The following RXRA variants were observed in gnomAD, a reference collection of about 807,000 sequenced individuals.
RXRA encodes the protein retinoid X receptor alpha.
RXRA carries 5 observed loss-of-function variants against 44.5 expected under a neutral mutation model. The ratio of observed to expected loss-of-function variants is 0.11; its 90% CI spans 0.06 to 0.24. The LOEUF is 0.24. Ranked by LOEUF, RXRA falls within the 10% of genes least tolerant of loss-of-function variation. RXRA has a pLI of 1.00. For missense variants in RXRA, 412 were observed against 646.5 expected (o/e 0.64, Z 3.93); for synonymous variants, 291 against 271.4 (o/e 1.07, Z -0.71).
chr9:134,391,464 C>T (rs905617401), intron 1 of RXRA, among the ~76,000 whole-genome samples: 6 of 152,206 alleles, frequency 3.9e-5, no homozygotes, highest in African/African-American at 1.4e-4. Context: ...GGAAACTACC[C>T]CCAGGAGCCC....
Position 134,367,683 on chromosome 9 carries a change from G to A in RXRA, c.29-33949G>A, listed in dbSNP as rs548568610. 2.1e-4 allele frequency among the ~76,000 whole-genome samples: 32 copies of A among 152,340 alleles called. No individual in the cohort carries two copies. The East Asian group carries it at 5.8e-3, about 28-fold the overall frequency. On this transcript the variant is annotated intron_variant, in intron 1 of 9. Transcript: ENST00000481739. ...CCTCAACTTGCCTGCCTGTGCAGGG[G>A]GTGTGTGGGGCACCATGGTCCCCCA...
At position 134,431,955 on chromosome 9, in the gene RXRA, C is replaced by T. The variant is rs746817210; in HGVS notation, c.1094C>T (p.Thr365Met). The T allele has an allele frequency of 8.7e-6, 14 of 1,613,860 alleles. No homozygotes were observed. The highest frequency in any genetic ancestry group is 6.7e-5 in the East Asian group (3 of 44,884). Reference sequence around the variant, plus strand: ...ATGCGGGACATGCAGATGGACAAGACGGAGCTGGGCTGCCTGCGCGCCATC... The same window carrying T: ...ATGCGGGACATGCAGATGGACAAGATGGAGCTGGGCTGCCTGCGCGCCATC... ...SKMRDMQMDKTELGCLRAIVL... is the reference protein window; with the variant it reads ...SKMRDMQMDKMELGCLRAIVL... The change falls in exon 8 of 10, where the codon ACG becomes ATG. Residue 365 changes from threonine to methionine, a missense_variant. Thr to Met is a moderately conservative substitution (Grantham distance 81). This residue lies in a region of RXRA where 141 missense variants were observed against 270.8 expected (regional missense o/e 0.52). Coordinates refer to ENST00000481739, the MANE Select transcript of RXRA (RefSeq NM_002957.6).
chr9:134,409,798 G>T (rs913075085), intron 4 of RXRA, among the ~76,000 whole-genome samples: 1 of 152,180 alleles, frequency 6.6e-6, no homozygotes, highest in African/African-American at 2.4e-5. Context: ...ACGTTTGGGG[G>T]TGTGCCTCAG....
rs1554748255 is a variant in RXRA at position 134,342,815 on chromosome 9, C to T, written c.28+16156C>T. Among the ~76,000 whole-genome samples the T allele has an allele frequency of 6.6e-6, 1 of 152,178 alleles. No homozygotes were observed. The highest frequency in any genetic ancestry group is 2.4e-5 in the African/African-American group (1 of 41,448). On this transcript the variant is annotated intron_variant, in intron 1 of 9. Coordinates refer to ENST00000481739, the MANE Select transcript of RXRA (RefSeq NM_002957.6). The surrounding 1 kb of genome is among the most constrained non-coding windows in gnomAD (Gnocchi z 4.4). ...GCCTTCCTGGCCCTTCCTGCTCTGG[C>T]TGGCTCAGCAGGTTGAGCGCAGGTG...
chr9:134,370,165 G>A (rs1194648581), intron 1 of RXRA, among the ~76,000 whole-genome samples: 3 of 152,190 alleles, frequency 2.0e-5, no homozygotes, highest in Non-Finnish European at 4.4e-5. Flanking sequence ...ATGACTGTCT[G>A]TCCCATGGCT....
At chr9:134,397,534 G>A (rs1390860574) in intron 1 of RXRA, among the ~76,000 whole-genome samples, 2 of 151,864 alleles carry the variant, frequency 1.3e-5, no homozygotes, top group African/African-American at 2.4e-5. Flanking sequence ...AGTCTTCCTG[G>A]ATAGAAATCT....
chr9:134,376,615 T>C (rs533541527), intron 1 of RXRA, among the ~76,000 whole-genome samples: 12 of 152,420 alleles, frequency 7.9e-5, no homozygotes, highest in Non-Finnish European at 1.5e-4. Flanking sequence ...TAGAAGGTGA[T>C]GCTTAGGGAG....
chr9:134,386,430 T>G (rs1305536782), intron 1 of RXRA, among the ~76,000 whole-genome samples: 1 of 152,096 alleles, frequency 6.6e-6, no homozygotes, highest in Non-Finnish European at 1.5e-5. Context: ...GTGGCCTGGG[T>G]GGGTGCCTGT....
At chr9:134,432,076 T>A in intron 8 of RXRA, 80 bp downstream of exon 8, 1 of 1,119,380 alleles carries the variant, frequency 8.9e-7, no homozygotes, top group Non-Finnish European at 1.3e-6. Flanking sequence ...TGGCTGTACT[T>A]CTTGCCTCTG....
At chr9:134,360,056 G>T (rs1830330185) in intron 1 of RXRA, among the ~76,000 whole-genome samples, 1 of 152,334 alleles carries the variant, frequency 6.6e-6, no homozygotes, top group African/African-American at 2.4e-5. Context: ...GGTGTGGCGT[G>T]CCCAGTGGGC....
chr9:134,424,122 G>A, intron 6 of RXRA: 10 of 980,948 alleles, frequency 1.0e-5, no homozygotes, highest in Non-Finnish European at 1.2e-5. Flanking sequence ...TGCGTGGGGT[G>A]GTCGTGGTGG....
chr9:134,432,721 C>T (rs567262753), intron 8 of RXRA, among the ~76,000 whole-genome samples: 1 of 152,344 alleles, frequency 6.6e-6, no homozygotes, highest in East Asian at 1.9e-4. Context: ...CAGCAGGCAC[C>T]CCCGGCACGT....
intron 6 of RXRA, chr9:134,422,203 C>T (rs887349658): frequency 7.0e-6 from 9 of 1,284,086 alleles, no homozygotes; most frequent in Admixed American, 2.3e-5. Context: ...CCTCCAGGGA[C>T]ACACTTCCCC....
chr9:134,378,622 CT>C (rs1297835889), intron 1 of RXRA, among the ~76,000 whole-genome samples: 1 of 152,232 alleles, frequency 6.6e-6, no homozygotes, highest in Non-Finnish European at 1.5e-5. Context: ...CTCCCTGCCC[CT>C]GCCAGCCTCA....
At chr9:134,380,048 C>T in intron 1 of RXRA, 1 of 985,414 alleles carries the variant, frequency 1.0e-6, no homozygotes, top group Non-Finnish European at 1.2e-6. Context: ...CCTGCCTGAG[C>T]ACAATCTTCC....
rs554363534 is a variant in RXRA at position 134,429,493 on chromosome 9, T to C, written c.1043+253T>C. ...CATCTCTTCTTTTTTCACGATCCCATGTATTTATCCGTGGGAAGGAAAGCT... is the reference window on the plus strand; with the variant it reads ...CATCTCTTCTTTTTTCACGATCCCACGTATTTATCCGTGGGAAGGAAAGCT... On this transcript the variant is annotated intron_variant, in intron 7 of 9. Transcript: ENST00000481739. Among the ~76,000 whole-genome samples, 4 of 152,238 alleles carry C rather than the reference T, an allele frequency of 2.6e-5. No homozygotes were observed. The South Asian group carries it at 6.2e-4, about 24-fold the overall frequency.
At chr9:134,412,094 C>T (rs1481007815) in intron 4 of RXRA, among the ~76,000 whole-genome samples, 2 of 152,226 alleles carry the variant, frequency 1.3e-5, no homozygotes, top group African/African-American at 4.8e-5. Context: ...TTGGGCAAAC[C>T]ACTGCAAGGC....
chr9:134,421,038 G>A (rs1397095397), intron 5 of RXRA, among the ~76,000 whole-genome samples: 2 of 152,236 alleles, frequency 1.3e-5, no homozygotes, highest in African/African-American at 4.8e-5. Flanking sequence ...CATCAGAGAT[G>A]AAGGTGGTTG....
At chr9:134,386,373 AC>A (rs1169362922) in intron 1 of RXRA, among the ~76,000 whole-genome samples, 1 of 152,158 alleles carries the variant, frequency 6.6e-6, no homozygotes, top group East Asian at 1.9e-4. Context: ...CGGGCGGGGG[AC>A]CGCAGGTGGC....
Sources: gnomAD v4.1 joint callset for allele counts (sites outside exome capture counted in the v4.1 genomes callset) on GRCh38, gnomAD v4.1.1 for gene constraint, gnomAD v4.1.1 regional missense constraint, Gnocchi (gnomAD v3.1) non-coding constraint, MANE v1.5 for transcripts, NCBI Gene and HGNC (gene_info 2026-07-23, HGNC 2026-07-21) for gene names.